Variants in SMYD3 observed in about 807,000 individuals in gnomAD.
The protein encoded by SMYD3 is histone-lysine N-methyltransferase SMYD3.
A neutral mutation model predicts 57.7 loss-of-function variants in SMYD3; 36 were observed. That is an observed-to-expected ratio of 0.62 (90% CI 0.48 to 0.82). The LOEUF is 0.82. Ranked by LOEUF, SMYD3 falls within the 40% of genes least tolerant of loss-of-function variation. The pLI, the probability that SMYD3 is intolerant of heterozygous loss-of-function variation, is 0.00. For missense variants in SMYD3, 515 were observed against 538.8 expected, an observed-to-expected ratio of 0.96 and a Z score of 0.44; for synonymous variants, 211 against 195.0, an observed-to-expected ratio of 1.08 and a Z score of -0.68.
chr1:245,984,164 T>C (rs190263354), intron 5 of SMYD3, among the ~76,000 whole-genome samples: 26 of 151,826 alleles, frequency 1.7e-4, no homozygotes, highest in Non-Finnish European at 1.0e-4. Context: ...CACGCCCGGG[T>C]AATTTTTGCA....
At chr1:246,173,312 C>T (rs901774536) in intron 5 of SMYD3, among the ~76,000 whole-genome samples, 1 of 152,204 alleles carries the variant, frequency 6.6e-6, no homozygotes, top group African/African-American at 2.4e-5. Context: ...ACTTAGGCTA[C>T]ACAGGCCTAG....
chr1:246,500,533 A>G (rs1244590759), intron 1 of SMYD3, among the ~76,000 whole-genome samples: 1 of 152,164 alleles, frequency 6.6e-6, no homozygotes, highest in Non-Finnish European at 1.5e-5. Context: ...GTTCTACCAT[A>G]ATAACCCGAC....
chr1:245,932,914 A>G (rs2056806547), intron 5 of SMYD3, among the ~76,000 whole-genome samples: 1 of 152,206 alleles, frequency 6.6e-6, no homozygotes. Flanking sequence ...GCTAGTAAAC[A>G]GAAGGTTTAG....
chr1:245,765,398 A>AG, intron 10 of SMYD3, among the ~76,000 whole-genome samples: 1 of 152,152 alleles, frequency 6.6e-6, no homozygotes, highest in Non-Finnish European at 1.5e-5. Flanking sequence ...CAAAAAAAAA[A>AG]AAAGTTTTTT....
intron 5 of SMYD3, among the ~76,000 whole-genome samples, chr1:246,242,296 G>A (rs142503699): frequency 0.059 from 9,016 of 152,066 alleles, 434 homozygotes; most frequent in African/African-American, 0.12. Flanking sequence ...TTGTGTCTTC[G>A]TTCTCATCAG....
At chr1:245,923,962 CAG>C (rs2147816970) in intron 7 of SMYD3, among the ~76,000 whole-genome samples, 2 of 152,336 alleles carry the variant, frequency 1.3e-5, no homozygotes, top group South Asian at 4.1e-4. Flanking sequence ...ACAGAAGAAA[CAG>C]ACTGTCTTAA....
chr1:246,132,097 C>G (rs2061596821), intron 5 of SMYD3, among the ~76,000 whole-genome samples: 1 of 151,984 alleles, frequency 6.6e-6, no homozygotes, highest in African/African-American at 2.4e-5. Context: ...ACTAAACATG[C>G]CCATCGGCGA....
intron 5 of SMYD3, among the ~76,000 whole-genome samples, chr1:245,961,062 A>T (rs1360056144): frequency 2.0e-5 from 3 of 152,196 alleles, no homozygotes; most frequent in African/African-American, 7.2e-5. Flanking sequence ...AAAACTACCA[A>T]GGGAAGGCAG....
intron 2 of SMYD3, among the ~76,000 whole-genome samples, chr1:246,353,655 G>A (rs192085147): frequency 6.6e-6 from 1 of 152,294 alleles, no homozygotes; most frequent in Non-Finnish European, 1.5e-5. Context: ...CTGAATACCT[G>A]GGTTTCATTC....
intron 5 of SMYD3, among the ~76,000 whole-genome samples, chr1:246,121,085 G>C (rs12045835): frequency 1.3e-5 from 2 of 152,100 alleles, no homozygotes; most frequent in Non-Finnish European, 2.9e-5. Flanking sequence ...CATGAATACA[G>C]CTTTTAAGAC....
intron 5 of SMYD3, among the ~76,000 whole-genome samples, chr1:246,186,289 A>C (rs182889422): frequency 1.3e-5 from 2 of 152,322 alleles, no homozygotes; most frequent in African/African-American, 4.8e-5. Context: ...CAAGATGTAA[A>C]ATGTGCAAAA....
intron 5 of SMYD3, among the ~76,000 whole-genome samples, chr1:246,256,173 C>T (rs1270459943): frequency 2.0e-5 from 3 of 152,080 alleles, no homozygotes; most frequent in Non-Finnish European, 4.4e-5. Context: ...CAGGAAGCAT[C>T]CAGCATGGGA....
chr1:246,293,679 A>G (rs1572346834), intron 5 of SMYD3, among the ~76,000 whole-genome samples: 1 of 151,904 alleles, frequency 6.6e-6, no homozygotes, highest in East Asian at 1.9e-4. Flanking sequence ...TCTCAGAAAT[A>G]TCACTTCATC....
Position 246,128,593 on chromosome 1 carries a change from G to A in SMYD3, c.531+198608C>T, listed in dbSNP as rs183032798. Among the ~76,000 whole-genome samples the A allele has an allele frequency of 3.1e-3, 470 of 152,324 alleles. 2 individuals are homozygous for A. The highest frequency in any genetic ancestry group is 4.2e-3 in the Admixed American group (64 of 15,300). On this transcript the variant is annotated intron_variant, in intron 5 of 11. Transcript: ENST00000490107. ...TCATAGATGAACAAACTGGGATTTA[G>A]AGAGAGTACAACAGCTGTTCTACAT...
intron 1 of SMYD3, among the ~76,000 whole-genome samples, chr1:246,488,008 T>C (rs1029156546): frequency 6.6e-6 from 1 of 152,114 alleles, no homozygotes; most frequent in Non-Finnish European, 1.5e-5. Context: ...CTTTTAGCAT[T>C]TCCTATGCAT....
intron 5 of SMYD3, among the ~76,000 whole-genome samples, chr1:246,005,811 C>T (rs886476138): frequency 6.6e-5 from 10 of 152,212 alleles, no homozygotes; most frequent in Admixed American, 3.3e-4. Flanking sequence ...TCAGCAGTCA[C>T]TCTCAATCAT....
intron 10 of SMYD3, among the ~76,000 whole-genome samples, chr1:245,829,422 C>T (rs1030305495): frequency 1.3e-5 from 2 of 152,030 alleles, no homozygotes; most frequent in African/African-American, 4.8e-5. Flanking sequence ...CAAATTGAAA[C>T]CACAGTGAGA....
chr1:245,900,697 CA>C (rs1489608309), intron 8 of SMYD3, among the ~76,000 whole-genome samples: 1 of 152,160 alleles, frequency 6.6e-6, no homozygotes, highest in Non-Finnish European at 1.5e-5. Flanking sequence ...TCACCTGTTA[CA>C]ATAAAACTAA....
chr1:246,405,016 A>G (rs1451876177), intron 1 of SMYD3, among the ~76,000 whole-genome samples: 1 of 152,154 alleles, frequency 6.6e-6, no homozygotes, highest in Non-Finnish European at 1.5e-5. Flanking sequence ...CAATAGTGCA[A>G]TCACGGCTCA....
Sources: allele counts gnomAD v4.1 joint callset (sites outside exome capture counted in the v4.1 genomes callset), GRCh38; gene constraint gnomAD v4.1.1; transcripts MANE v1.5; gene names NCBI Gene and HGNC (gene_info 2026-07-23, HGNC 2026-07-21).